The following GFRA2 variants were observed in gnomAD, a reference collection of about 807,000 sequenced individuals.
The protein encoded by GFRA2 is GDNF family receptor alpha-2.
Under a neutral mutation model 48.3 loss-of-function variants are expected in GFRA2, and 17 were observed. The ratio of observed to expected loss-of-function variants is 0.35; its 90% CI spans 0.24 to 0.53. The LOEUF (loss-of-function observed/expected upper bound fraction) is 0.53, where lower values mean the gene tolerates loss of function less well. Among genes scored for constraint, GFRA2 ranks in the 20% least tolerant of loss-of-function variants. GFRA2 has a pLI of 0.93. For synonymous variants in GFRA2, 305 were observed against 257.2 expected (o/e 1.19, Z -1.78); for missense variants, 660 against 637.3 (o/e 1.04, Z -0.38).
At chr8:21,747,616 G>C (rs1472904732) in intron 4 of GFRA2, among the ~76,000 whole-genome samples, 3 of 151,800 alleles carry the variant, frequency 2.0e-5, no homozygotes, top group African/African-American at 7.3e-5. Flanking sequence ...GTGTGCACAG[G>C]GCCCCAGCTC....
intron 4 of GFRA2, among the ~76,000 whole-genome samples, chr8:21,746,856 C>T (rs965011709): frequency 5.9e-5 from 9 of 152,002 alleles, no homozygotes; most frequent in African/African-American, 1.9e-4. Context: ...CTGACACAGA[C>T]GTTCTCCAAG....
Position 21,782,689 on chromosome 8 carries a change from A to T in GFRA2, c.251T>A (p.Val84Asp). Residue 84 changes from valine to aspartate, a missense_variant, in exon 2 of 9, where the codon GTC becomes GAC. Transcript: ENST00000524240. ...ANKECQAALEVLQESPLYDCR... is the reference protein window; with the variant it reads ...ANKECQAALEDLQESPLYDCR... ...GTCGTACAGCGGGCTCTCCTGCAAG[A>T]CCTCCAAGGCCGCCTGGCACTCCTT... 1 of 1,591,560 alleles carries T rather than the reference A, an allele frequency of 6.3e-7. No homozygotes were observed. Among genetic ancestry groups the T allele is most frequent in the Non-Finnish European group, 8.5e-7 (1 of 1,169,660 alleles).
intron 1 of GFRA2, among the ~76,000 whole-genome samples, chr8:21,809,425 C>T (rs1484169973): frequency 6.6e-6 from 1 of 152,162 alleles, no homozygotes; most frequent in Non-Finnish European, 1.5e-5. Context: ...CCCAGGTTCA[C>T]GCCATTCTCC....
At chr8:21,789,939 C>A (rs959096240), upstream of GFRA2, 1 of 379,884 alleles carries the variant, frequency 2.6e-6, no homozygotes, top group Non-Finnish European at 3.6e-6. Flanking sequence ...GCCGGGGCTC[C>A]GCAGCCGGCT....
rs1257544324 is a variant in GFRA2, at chr8:21,801,993, G to A, written c.-36+3024C>T. On this transcript the variant is annotated intron_variant, in intron 2 of 10. Transcript: ENST00000517328. Reference sequence around the variant, plus strand: ...CCCCCAGGGAACTTCCATCCCGTCCGCTCCTCAGCACGCTGCCTTGCTCTA... The same window carrying A: ...CCCCCAGGGAACTTCCATCCCGTCCACTCCTCAGCACGCTGCCTTGCTCTA... Among the ~76,000 whole-genome samples the A allele has an allele frequency of 1.1e-4, 17 of 152,324 alleles. No individual in the cohort carries two copies. In the East Asian group the frequency reaches 1.3e-3, roughly 12 times the overall value.
At chr8:21,706,342 T>C in intron 4 of GFRA2, 1 of 525,890 alleles carries the variant, frequency 1.9e-6, no homozygotes, top group African/African-American at 1.9e-5. Context: ...ATGGCTCTTT[T>C]AGGCTGGAGC....
Position 21,788,726 on chromosome 8 carries a change from A to G in GFRA2, c.-567T>C, listed in dbSNP as rs963440225. On this transcript the variant is annotated 5_prime_UTR_variant, in exon 1 of 9. Coordinates refer to ENST00000524240, the MANE Select transcript of GFRA2 (RefSeq NM_001495.5). ...CACCAAGACGAAGACAAGATTCAAA[A>G]AAATCTTCTCCCGCTAACCCTTGCT... 64 of 985,408 alleles carry G rather than the reference A, an allele frequency of 6.5e-5. No homozygotes were observed. The highest frequency in any genetic ancestry group is 7.3e-5 in the Non-Finnish European group (61 of 830,018). The allele number at this position is 985,408 out of a possible 1,614,324, so 61.0% of individuals were successfully genotyped here.
At chr8:21,780,182 C>T (rs34368177) in intron 2 of GFRA2, among the ~76,000 whole-genome samples, 7,436 of 152,010 alleles carry the variant, frequency 0.049, 378 homozygotes, top group East Asian at 0.2. Flanking sequence ...TCCTCCCTAG[C>T]CAGGCTCCTC....
chr8:21,724,411 A>G (rs1263085553), intron 4 of GFRA2, among the ~76,000 whole-genome samples: 1 of 152,128 alleles, frequency 6.6e-6, no homozygotes, highest in African/African-American at 2.4e-5. Flanking sequence ...GAGTTCTGAT[A>G]TATGCCAATC....
intron 4 of GFRA2, among the ~76,000 whole-genome samples, chr8:21,712,746 T>C (rs1803118857): frequency 6.6e-6 from 1 of 152,360 alleles, no homozygotes. Flanking sequence ...AGACTCCGTC[T>C]GCAATCACGG....
At chr8:21,757,603 C>G (rs1277339235) in intron 3 of GFRA2, among the ~76,000 whole-genome samples, 2 of 151,664 alleles carry the variant, frequency 1.3e-5, no homozygotes, top group Admixed American at 1.3e-4. Context: ...AGGCGATTCT[C>G]CTGCCTCAGC....
intron 4 of GFRA2, among the ~76,000 whole-genome samples, chr8:21,717,390 C>A (rs1803385444): frequency 6.6e-6 from 1 of 152,162 alleles, no homozygotes; most frequent in South Asian, 2.1e-4. Flanking sequence ...AGTTAAAAAG[C>A]AGGAGACAAT....
chr8:21,799,231 T>TG lies in GFRA2; in HGVS notation c.-36+5785_-36+5786insC, dbSNP rs1255691583. On this transcript the variant is annotated intron_variant, in intron 2 of 10. Transcript: ENST00000517328. ...ATATCTGACCAGAGGATTTTTTTTT[T>TG]TTTTGAGACGGAGTCTTGCTCTGTC... is the stretch of plus-strand genomic sequence containing the variant. 3.7e-3 allele frequency among the ~76,000 whole-genome samples: 556 copies of TG among 151,938 alleles called. 3 individuals are homozygous for TG. Among genetic ancestry groups the TG allele is most frequent in the African/African-American group, 0.013 (532 of 41,450 alleles).
chr8:21,705,710 C>T (rs7813735), intron 5 of GFRA2, among the ~76,000 whole-genome samples: 85,165 of 152,106 alleles, frequency 0.56, 26,949 homozygotes, highest in African/African-American at 0.87. Context: ...CTTTAGGAGG[C>T]CCCTGGGGCC....
At chr8:21,754,643 G>A (rs943278854) in intron 3 of GFRA2, among the ~76,000 whole-genome samples, 2 of 151,434 alleles carry the variant, frequency 1.3e-5, no homozygotes, top group Non-Finnish European at 2.9e-5. Flanking sequence ...TGAGTAGCTT[G>A]GATTACACGG....
rs1009470776 is a variant in GFRA2, at chr8:21,750,496, C to T, written c.794+92G>A. 8.7e-6 allele frequency: 6 copies of T among 690,468 alleles called. No individual in the cohort carries two copies. In the African/African-American group the frequency reaches 9.0e-5, roughly 10 times the overall value. The allele number at this position is 690,468 out of a possible 1,614,324, so 42.8% of individuals were successfully genotyped here. On this transcript the variant is annotated intron_variant, in intron 4 of 8. Coordinates refer to ENST00000524240, the MANE Select transcript of GFRA2 (RefSeq NM_001495.5). This position sits in a 1 kb window ranked among gnomAD's most constrained non-coding sequence, Gnocchi z 5.7. ...TTCTGCTGGACTCAGGGTCATAATT[C>T]GATGCACCCAAGGAATGCAGAGAAA...
At chr8:21,782,498 T>G in intron 2 of GFRA2, 87 bp downstream of exon 2, 1 of 1,011,786 alleles carries the variant, frequency 9.9e-7, no homozygotes, top group Non-Finnish European at 1.5e-6. Flanking sequence ...CACCACCTAG[T>G]CCTCCCTCCT....
chr8:21,738,368 C>T (rs552894566), intron 4 of GFRA2, among the ~76,000 whole-genome samples: 129 of 151,616 alleles, frequency 8.5e-4, no homozygotes, highest in African/African-American at 2.7e-3. Context: ...GGTCTCTGAG[C>T]ACGTACCGTC....
At chr8:21,734,943 T>C (rs1271938669) in intron 4 of GFRA2, among the ~76,000 whole-genome samples, 1 of 152,248 alleles carries the variant, frequency 6.6e-6, no homozygotes, top group Non-Finnish European at 1.5e-5. Flanking sequence ...CTCTGCTCAC[T>C]GAGAACAGAA....
Sources: allele counts gnomAD v4.1 joint callset (sites outside exome capture counted in the v4.1 genomes callset), GRCh38; gene constraint gnomAD v4.1.1; non-coding constraint Gnocchi (gnomAD v3.1); transcripts MANE v1.5; gene names NCBI Gene and HGNC (gene_info 2026-07-23, HGNC 2026-07-21).